Variants in PTPRT observed in about 807,000 individuals in gnomAD.
PTPRT encodes protein tyrosine phosphatase receptor type T.
PTPRT carries 56 observed loss-of-function variants against 176.8 expected under a neutral mutation model. That is an observed-to-expected ratio of 0.32 (90% CI 0.26 to 0.40). The LOEUF is 0.40. Ranked by LOEUF, PTPRT falls within the 10% of genes least tolerant of loss-of-function variation. The pLI, the probability that PTPRT is intolerant of heterozygous loss-of-function variation, is 1.00. For missense variants in PTPRT, 1,540 were observed against 1,908.2 expected, an observed-to-expected ratio of 0.81 and a Z score of 3.60; for synonymous variants, 783 against 739.0, an observed-to-expected ratio of 1.06 and a Z score of -0.96.
intron 3 of PTPRT, among the ~76,000 whole-genome samples, chr20:42,790,277 A>G (rs189144361): frequency 1.3e-4 from 19 of 152,000 alleles, no homozygotes; most frequent in African/African-American, 4.6e-4. Context: ...CAATGTGGAG[A>G]AATGTTCCTC....
intron 1 of PTPRT, among the ~76,000 whole-genome samples, chr20:43,074,851 T>C (rs2011234045): frequency 6.6e-6 from 1 of 152,238 alleles, no homozygotes; most frequent in Non-Finnish European, 1.5e-5. Flanking sequence ...ATATCGATCT[T>C]CCTTTTACTC....
intron 9 of PTPRT, among the ~76,000 whole-genome samples, chr20:42,389,448 A>G (rs905473077): frequency 3.3e-5 from 5 of 152,168 alleles, no homozygotes; most frequent in Admixed American, 3.3e-4. Context: ...CCCCAAAACC[A>G]TATATTGGAA....
At chr20:42,457,390 T>G (rs2070942413) in intron 8 of PTPRT, among the ~76,000 whole-genome samples, 1 of 152,212 alleles carries the variant, frequency 6.6e-6, no homozygotes, top group Admixed American at 6.5e-5. Context: ...GTATTAGTTT[T>G]TTTGTTTTGT....
At chr20:42,106,355 T>C (rs528087056) in intron 24 of PTPRT, among the ~76,000 whole-genome samples, 1 of 152,326 alleles carries the variant, frequency 6.6e-6, no homozygotes, top group Admixed American at 6.5e-5. Flanking sequence ...CCAGCTTAAG[T>C]ACTCAATTAC....
In PTPRT at chr20:42,077,731, T is replaced by G. The variant is rs767302965; in HGVS notation, c.*3148A>C. The G allele has an allele frequency of 1.3e-4, 27 of 206,402 alleles. No homozygotes were observed. The highest frequency in any genetic ancestry group is 2.4e-4 in the Non-Finnish European group (24 of 101,856). The allele number at this position is 206,402 out of a possible 1,614,324, so 12.8% of individuals were successfully genotyped here. A position where few individuals can be genotyped will look rare whatever the true frequency, so the allele number is the denominator to read the frequency against. On this transcript the variant is annotated 3_prime_UTR_variant, in exon 31 of 31. Transcript: ENST00000373187. ...CTATTCACTGTCCTGCTTTAGAGAA[T>G]GGTTGGGTTGTGGGAAAATAAGGGG...
At chr20:42,870,853 T>C (rs1214640156) in intron 2 of PTPRT, among the ~76,000 whole-genome samples, 2 of 152,220 alleles carry the variant, frequency 1.3e-5, no homozygotes, top group African/African-American at 2.4e-5. Context: ...TTTTTGTTTG[T>C]CTTTTTATAG....
At chr20:42,456,290 G>T (rs1280055589) in intron 8 of PTPRT, among the ~76,000 whole-genome samples, 1 of 151,888 alleles carries the variant, frequency 6.6e-6, no homozygotes, top group Admixed American at 6.6e-5. Flanking sequence ...TAATTTGTTT[G>T]CAGATTTCTT....
intron 1 of PTPRT, among the ~76,000 whole-genome samples, chr20:43,125,873 C>G (rs540083368): frequency 1.3e-5 from 2 of 151,968 alleles, no homozygotes; most frequent in Non-Finnish European, 2.9e-5. Flanking sequence ...TTATTAAAGG[C>G]GAATTATGTT....
At chr20:43,056,097 G>A (rs988901034) in intron 1 of PTPRT, among the ~76,000 whole-genome samples, 3 of 152,146 alleles carry the variant, frequency 2.0e-5, no homozygotes, top group African/African-American at 7.2e-5. Context: ...TGAACAAGAA[G>A]AGTCAAATCC....
intron 17 of PTPRT, among the ~76,000 whole-genome samples, chr20:42,157,948 A>G (rs2146489006): frequency 6.6e-6 from 1 of 152,004 alleles, no homozygotes; most frequent in South Asian, 2.1e-4. Context: ...CCAGTGGACA[A>G]TCCCAGCTGA....
At chr20:43,091,530 CT>C (rs2011870903) in intron 1 of PTPRT, among the ~76,000 whole-genome samples, 1 of 151,296 alleles carries the variant, frequency 6.6e-6, no homozygotes, top group African/African-American at 2.4e-5. Flanking sequence ...TTCTCTCTCT[CT>C]CTCTCTCACA....
At chr20:42,912,754 T>A (rs186234751) in intron 1 of PTPRT, among the ~76,000 whole-genome samples, 153 of 152,342 alleles carry the variant, frequency 1.0e-3, no homozygotes, top group African/African-American at 3.5e-3. Context: ...TTAAAACACT[T>A]TCACTATTGT....
chr20:42,124,906 GCTC>G (rs1168855383), intron 19 of PTPRT, among the ~76,000 whole-genome samples: 2 of 152,072 alleles, frequency 1.3e-5, no homozygotes, highest in Non-Finnish European at 2.9e-5. Context: ...CGCGCCATGG[GCTC>G]CTATTCTTTC....
At chr20:42,044,348 T>C in the PTPRT span, among the ~76,000 whole-genome samples, 1 of 152,212 alleles carries the variant, frequency 6.6e-6, no homozygotes, top group Non-Finnish European at 1.5e-5. Context: ...AAATAGCTGA[T>C]GATTTGATTA....
intron 5 of PTPRT, 23 bp downstream of exon 5, chr20:42,771,412 G>C: frequency 1.3e-6 from 2 of 1,581,712 alleles, no homozygotes; most frequent in Non-Finnish European, 1.7e-6. Context: ...ACGAGTCTGA[G>C]CAGAGGCTTC....
At chr20:43,083,347 T>TATATATATATAC (rs1555828977) in intron 1 of PTPRT, among the ~76,000 whole-genome samples, 18,755 of 97,624 alleles carry the variant, frequency 0.19, 3,415 homozygotes, top group South Asian at 0.31. Flanking sequence ...TATATATATA[T>TATATATATATAC]ATATATATAT....
Position 42,115,108 on chromosome 20 carries a change from A to C in PTPRT, c.3099+91T>G, listed in dbSNP as rs955241659. ...TGGTGCCAAGTATGGGGCTGGACGT[A>C]GAGCAGACCCTCAGTTACCACATGT... is the stretch of plus-strand genomic sequence containing the variant. On this transcript the variant is annotated intron_variant, in intron 22 of 30. Coordinates refer to ENST00000373187, the MANE Select transcript of PTPRT (RefSeq NM_007050.6). 9 of 926,430 alleles carry C rather than the reference A, an allele frequency of 9.7e-6. No individual in the cohort carries two copies. In the Admixed American group the frequency reaches 1.6e-4, roughly 16 times the overall value. The allele number at this position is 926,430 out of a possible 1,614,324, so 57.4% of individuals were successfully genotyped here. A position where few individuals can be genotyped will look rare whatever the true frequency, so the allele number is the denominator to read the frequency against.
intron 7 of PTPRT, among the ~76,000 whole-genome samples, chr20:42,609,608 G>A (rs1039990467): frequency 1.1e-4 from 16 of 152,154 alleles, no homozygotes; most frequent in Non-Finnish European, 2.9e-5. Flanking sequence ...TAGCAGCTGG[G>A]CTGCCTCGTT....
intron 1 of PTPRT, among the ~76,000 whole-genome samples, chr20:43,090,742 G>A (rs1277264333): frequency 1.3e-5 from 2 of 151,822 alleles, no homozygotes; most frequent in African/African-American, 2.4e-5. Flanking sequence ...AGAAAACATA[G>A]ACAAAATAAC....
Sources: gnomAD v4.1 joint callset for allele counts (sites outside exome capture counted in the v4.1 genomes callset) on GRCh38, gnomAD v4.1.1 for gene constraint, MANE v1.5 for transcripts, NCBI Gene and HGNC (gene_info 2026-07-23, HGNC 2026-07-21) for gene names.